Variants in TYW1 observed in about 807,000 individuals in gnomAD.
TYW1 encodes the protein S-adenosyl-L-methionine-dependent tRNA 4-demethylwyosine synthase TYW1.
A neutral mutation model predicts 96.2 loss-of-function variants in TYW1; 46 were observed. The observed-to-expected ratio is 0.48, with a 90% CI of 0.38 to 0.61. The LOEUF (loss-of-function observed/expected upper bound fraction) is 0.61. Ranked by LOEUF, TYW1 falls within the 20% of genes least tolerant of loss-of-function variation. TYW1 has a pLI of 0.00. For synonymous variants in TYW1, 274 were observed against 323.0 expected (o/e 0.85, Z 1.63); for missense variants, 684 against 909.6 (o/e 0.75, Z 3.19).
chr7:67,055,489 C>T (rs901171908), intron 8 of TYW1, among the ~76,000 whole-genome samples: 1 of 151,544 alleles, frequency 6.6e-6, no homozygotes, highest in Non-Finnish European at 1.5e-5. Flanking sequence ...GTCCCAATTA[C>T]GCGGGAGTCT....
chr7:67,125,963 A>G (rs1010777456), intron 13 of TYW1, among the ~76,000 whole-genome samples: 2 of 152,212 alleles, frequency 1.3e-5, no homozygotes, highest in African/African-American at 4.8e-5. Flanking sequence ...TTACTCACCC[A>G]CTGAAGGGCA....
rs181496592 is a variant in TYW1 at position 67,122,098 on chromosome 7, A to G, written c.1698+4480A>G. 7.2e-5 allele frequency among the ~76,000 whole-genome samples: 11 copies of G among 152,164 alleles called. No individual in the cohort carries two copies. The East Asian group carries it at 1.7e-3, about 24-fold the overall frequency. On this transcript the variant is annotated intron_variant, in intron 13 of 15. Transcript: ENST00000359626. ...TGACCAGATGTGTTTCTGCTGAACT[A>G]TGATTATGCCAAGGTCAAGATCCAG...
chr7:67,221,905 C>T (rs1584714340), intron 15 of TYW1, among the ~76,000 whole-genome samples: 2 of 142,810 alleles, frequency 1.4e-5, no homozygotes, highest in South Asian at 4.4e-4. Context: ...ACATAGAAAA[C>T]AAAACATAGA....
In TYW1 at chr7:67,190,967, A is replaced by T. The variant is rs62464997; in HGVS notation, c.1810-4203A>T. 1.3e-4 allele frequency among the ~76,000 whole-genome samples: 18 copies of T among 140,342 alleles called. 1 individual carries two copies. The highest frequency in any genetic ancestry group is 8.3e-3 in the Middle Eastern group (2 of 242). The allele number at this position is 140,342 out of a possible 152,430, so 92.1% of individuals were successfully genotyped here. A position where few individuals can be genotyped will look rare whatever the true frequency, so the allele number is the denominator to read the frequency against. On this transcript the variant is annotated intron_variant, in intron 14 of 15. Coordinates refer to ENST00000359626, the MANE Select transcript of TYW1 (RefSeq NM_018264.4). ...CCAAGCAGCCAGTGAGGAAGACTTT[A>T]TGGCCCCATCTTAGTCTGTTTGCAT...
intron 12 of TYW1, among the ~76,000 whole-genome samples, chr7:67,114,978 C>T (rs932968370): frequency 6.6e-6 from 1 of 152,042 alleles, no homozygotes; most frequent in African/African-American, 2.4e-5. Context: ...CCTTATTGGA[C>T]TTCCTTGAGT....
At chr7:67,126,667 C>CT (rs1454902730) in intron 13 of TYW1, among the ~76,000 whole-genome samples, 9 of 151,842 alleles carry the variant, frequency 5.9e-5, no homozygotes, top group Admixed American at 2.6e-4. Flanking sequence ...CGTCTAGATT[C>CT]TTTTTTTTGC....
intron 15 of TYW1, among the ~76,000 whole-genome samples, chr7:67,221,259 A>G (rs1316285950): frequency 6.6e-6 from 1 of 152,160 alleles, no homozygotes; most frequent in African/African-American, 2.4e-5. Flanking sequence ...TTTGTTTCAT[A>G]ACCTTTTTAA....
intron 13 of TYW1, among the ~76,000 whole-genome samples, chr7:67,130,642 C>T (rs374147804): frequency 2.7e-4 from 40 of 149,744 alleles, no homozygotes; most frequent in African/African-American, 9.1e-4. Flanking sequence ...CCAGCCTGGG[C>T]GACAGAGCGA....
At chr7:67,166,854 G>A (rs1015896824) in intron 13 of TYW1, among the ~76,000 whole-genome samples, 15 of 152,128 alleles carry the variant, frequency 9.9e-5, no homozygotes, top group African/African-American at 3.6e-4. Context: ...ATATACATGT[G>A]GGCTAACTGA....
chr7:67,094,651 AGTGT>A (rs56069939), intron 11 of TYW1, among the ~76,000 whole-genome samples: 4,460 of 141,488 alleles, frequency 0.032, 141 homozygotes, highest in African/African-American at 0.083. Context: ...AGAGAATTAG[AGTGT>A]GTGTGTGTGT....
intron 13 of TYW1, among the ~76,000 whole-genome samples, chr7:67,166,318 T>C (rs7458814): frequency 1.4e-5 from 2 of 141,188 alleles, no homozygotes; most frequent in African/African-American, 5.3e-5. Flanking sequence ...TTATATATAA[T>C]ATATAACATA....
At chr7:67,016,644 T>G (rs1481399152) in intron 5 of TYW1, among the ~76,000 whole-genome samples, 1 of 152,208 alleles carries the variant, frequency 6.6e-6, no homozygotes, top group African/African-American at 2.4e-5. Flanking sequence ...CATTTTTGAT[T>G]ATGTGTTTTT....
intron 10 of TYW1, among the ~76,000 whole-genome samples, chr7:67,080,461 A>AGT (rs908874038): frequency 6.7e-6 from 1 of 150,174 alleles, no homozygotes; most frequent in African/African-American, 2.5e-5. Context: ...GCTGGGGTGC[A>AGT]GTGGCACAAT....
chr7:67,128,055 G>T (rs1354468660), intron 13 of TYW1, among the ~76,000 whole-genome samples: 1 of 151,974 alleles, frequency 6.6e-6, no homozygotes, highest in Non-Finnish European at 1.5e-5. Flanking sequence ...GGTGTTCTGG[G>T]AGCCTCCTGA....
chr7:67,135,126 GATGA>G (rs1258063836), intron 13 of TYW1, among the ~76,000 whole-genome samples: 1 of 151,568 alleles, frequency 6.6e-6, no homozygotes, highest in Non-Finnish European at 1.5e-5. Flanking sequence ...GTCTAGAATG[GATGA>G]ATGAATCAAT....
rs1554362201 is a variant in TYW1, at chr7:67,091,419, T to TG, written c.1385-7116dup. Among the ~76,000 whole-genome samples, 27 of 20,308 alleles carry TG rather than the reference T, an allele frequency of 1.3e-3. No individual in the cohort carries two copies. In the East Asian group the frequency reaches 0.03, roughly 23 times the overall value. The allele number at this position is 20,308 out of a possible 152,430, so 13.3% of individuals were successfully genotyped here. A position where few individuals can be genotyped will look rare whatever the true frequency, so the allele number is the denominator to read the frequency against. Reference sequence around the variant, plus strand: ...TCACACATCGGGGCCTGTCATGGGTTGGGGGGAGGGGGGAGGGATAGCATT... The same window carrying TG: ...TCACACATCGGGGCCTGTCATGGGTTGGGGGGGAGGGGGGAGGGATAGCATT... On this transcript the variant is annotated intron_variant, in intron 11 of 15. Coordinates refer to ENST00000359626, the MANE Select transcript of TYW1 (RefSeq NM_018264.4).
At chr7:67,183,603 G>T (rs1799910222) in intron 14 of TYW1, among the ~76,000 whole-genome samples, 1 of 152,168 alleles carries the variant, frequency 6.6e-6, no homozygotes, top group African/African-American at 2.4e-5. Context: ...TACGGAAGTA[G>T]AGAGATTGGT....
chr7:67,100,585 G>C (rs1235493310), intron 12 of TYW1, among the ~76,000 whole-genome samples: 2 of 152,030 alleles, frequency 1.3e-5, no homozygotes, highest in African/African-American at 2.4e-5. Context: ...GGTGACTCAC[G>C]CCTGTAATCC....
At chr7:67,026,322 C>T (rs1342324821) in intron 7 of TYW1, among the ~76,000 whole-genome samples, 2 of 152,312 alleles carry the variant, frequency 1.3e-5, no homozygotes, top group East Asian at 3.9e-4. Flanking sequence ...ATCTGCCCGC[C>T]TTGGCCTCCT....
Sources: allele counts gnomAD v4.1 joint callset (sites outside exome capture counted in the v4.1 genomes callset), GRCh38; gene constraint gnomAD v4.1.1; transcripts MANE v1.5; gene names NCBI Gene and HGNC (gene_info 2026-07-23, HGNC 2026-07-21).